Variants in NEGR1 observed in about 807,000 individuals in gnomAD.
NEGR1 encodes the protein neuronal growth regulator 1.
In NEGR1, 10 loss-of-function variants were observed where a neutral mutation model predicts 40.9. The ratio of observed to expected loss-of-function variants is 0.24; its 90% CI spans 0.15 to 0.42. NEGR1 has a LOEUF of 0.42. Among genes scored for constraint, NEGR1 ranks in the 10% least tolerant of loss-of-function variants. The pLI is 1.00. For missense variants in NEGR1, 352 were observed against 438.9 expected, an observed-to-expected ratio of 0.80 and a Z score of 1.77; for synonymous variants, 185 against 166.8, an observed-to-expected ratio of 1.11 and a Z score of -0.84.
intron 6 of NEGR1, chr1:71,463,188 T>C (rs1329699573): frequency 6.6e-6 from 1 of 152,156 alleles, no homozygotes; most frequent in Non-Finnish European, 1.5e-5. Flanking sequence ...ATATACATTT[T>C]ATGTAAAAGG....
At position 72,224,312 on chromosome 1, in the gene NEGR1, CT is replaced by C. The variant is rs529451368; in HGVS notation, c.176+58006del. 8.3e-4 allele frequency among the ~76,000 whole-genome samples: 116 copies of C among 140,258 alleles called. 2 individuals are homozygous for C. Among genetic ancestry groups the C allele is most frequent in the South Asian group, 3.8e-3 (17 of 4,478 alleles). 92.0% of individuals were successfully genotyped at this position (140,258 alleles called of 152,430 possible). ...TTAGGAAAGCTGTCAGATTCTTTGA[CT>C]TTTTTTTTTTTTCTAATGCATGACC... On this transcript the variant is annotated intron_variant, in intron 1 of 6. Coordinates refer to ENST00000357731, the MANE Select transcript of NEGR1 (RefSeq NM_173808.3).
chr1:72,122,348 C>G (rs1569999871), intron 1 of NEGR1, among the ~76,000 whole-genome samples: 1 of 151,874 alleles, frequency 6.6e-6, no homozygotes, highest in East Asian at 1.9e-4. Context: ...CCCCCAGGAC[C>G]CTATTTGTAA....
At chr1:72,254,644 G>C (rs1436952532) in intron 1 of NEGR1, among the ~76,000 whole-genome samples, 1 of 147,308 alleles carries the variant, frequency 6.8e-6, no homozygotes, top group Non-Finnish European at 1.5e-5. Context: ...GGAGCTTGAA[G>C]TGAGCTGAGA....
intron 2 of NEGR1, among the ~76,000 whole-genome samples, chr1:71,823,297 C>G (rs138719746): frequency 2.7e-4 from 41 of 151,228 alleles, no homozygotes; most frequent in African/African-American, 9.5e-4. Context: ...CAAATCTCCA[C>G]TCAATAAGGT....
chr1:71,479,257 T>C (rs1646839827), intron 6 of NEGR1, among the ~76,000 whole-genome samples: 1 of 151,958 alleles, frequency 6.6e-6, no homozygotes, highest in South Asian at 2.1e-4. Context: ...TTCATTGTGC[T>C]TTTTTGGCGG....
intron 1 of NEGR1, among the ~76,000 whole-genome samples, chr1:72,192,277 C>G (rs1207014392): frequency 2.0e-5 from 3 of 151,722 alleles, no homozygotes; most frequent in African/African-American, 4.8e-5. Context: ...ACTTGAGTTT[C>G]TTTAATTTTC....
At chr1:71,612,047 C>A (rs968700189) in intron 4 of NEGR1, among the ~76,000 whole-genome samples, 7 of 152,132 alleles carry the variant, frequency 4.6e-5, no homozygotes, top group Non-Finnish European at 1.0e-4. Flanking sequence ...ACAGTGAAAC[C>A]CCATCTCTAC....
chr1:71,790,644 A>C (rs1258557499), intron 2 of NEGR1, among the ~76,000 whole-genome samples: 1 of 152,094 alleles, frequency 6.6e-6, no homozygotes, highest in African/African-American at 2.4e-5. Context: ...CCTAAACAAG[A>C]AGTATCCTAA....
chr1:72,222,029 T>G (rs1654030083), intron 1 of NEGR1, among the ~76,000 whole-genome samples: 1 of 151,658 alleles, frequency 6.6e-6, no homozygotes, highest in Non-Finnish European at 1.5e-5. Flanking sequence ...ACCCTGACAC[T>G]GGGCTGGTAG....
At chr1:72,229,980 A>G (rs1383284264) in intron 1 of NEGR1, among the ~76,000 whole-genome samples, 2 of 152,124 alleles carry the variant, frequency 1.3e-5, no homozygotes, top group African/African-American at 4.8e-5. Context: ...ATTAGAATAT[A>G]TCATACAGAT....
rs1227952579 is a variant in NEGR1, at chr1:71,901,663, TA to T, written c.409+33415del. 2.0e-4 allele frequency among the ~76,000 whole-genome samples: 28 copies of T among 143,366 alleles called. No homozygotes were observed. In the East Asian group the frequency reaches 4.7e-3, roughly 24 times the overall value. 94.1% of individuals were successfully genotyped at this position (143,366 alleles called of 152,430 possible). A position where few individuals can be genotyped will look rare whatever the true frequency, so the allele number is the denominator to read the frequency against. ...ACACCATTTTTCTAAAAATGAGATA[TA>T]AATTTTTTTTTTTTTTTTTTTTTTG... On this transcript the variant is annotated intron_variant, in intron 2 of 6. Transcript: ENST00000357731.
At chr1:71,748,465 G>A (rs1392516676) in intron 3 of NEGR1, among the ~76,000 whole-genome samples, 14 of 152,018 alleles carry the variant, frequency 9.2e-5, no homozygotes, top group Admixed American at 9.2e-4. Flanking sequence ...ATTTTCTTAG[G>A]TTTTAAACAA....
At chr1:72,053,505 T>C (rs554895296) in intron 1 of NEGR1, among the ~76,000 whole-genome samples, 1 of 151,310 alleles carries the variant, frequency 6.6e-6, no homozygotes, top group Admixed American at 6.6e-5. Context: ...CTATATAGCA[T>C]AAAGATGCTT....
intron 6 of NEGR1, among the ~76,000 whole-genome samples, chr1:71,578,139 A>G (rs777178821): frequency 6.6e-5 from 10 of 152,156 alleles, no homozygotes; most frequent in African/African-American, 1.2e-4. Context: ...ACACATAAAC[A>G]TTTATATTAT....
At chr1:71,805,661 CA>C (rs1156263582) in intron 2 of NEGR1, among the ~76,000 whole-genome samples, 1 of 152,146 alleles carries the variant, frequency 6.6e-6, no homozygotes, top group African/African-American at 2.4e-5. Flanking sequence ...AAGCTCATTA[CA>C]GTTTGCAAAC....
chr1:71,480,421 T>A (rs527579345), intron 6 of NEGR1, among the ~76,000 whole-genome samples: 28 of 151,962 alleles, frequency 1.8e-4, no homozygotes, highest in African/African-American at 6.5e-4. Context: ...CTTTTCTCTA[T>A]CTCTCTTCCT....
chr1:71,849,937 T>C (rs1557676488), intron 2 of NEGR1, among the ~76,000 whole-genome samples: 1 of 152,200 alleles, frequency 6.6e-6, no homozygotes, highest in African/African-American at 2.4e-5. Flanking sequence ...GGGAAACCCA[T>C]AAAAATGTGA....
At chr1:71,733,994 A>G (rs1318141549) in intron 3 of NEGR1, among the ~76,000 whole-genome samples, 3 of 152,200 alleles carry the variant, frequency 2.0e-5, no homozygotes. Context: ...TACATACTTT[A>G]TTAATCATTT....
intron 3 of NEGR1, among the ~76,000 whole-genome samples, chr1:71,706,148 G>A (rs1217161026): frequency 5.3e-5 from 8 of 152,204 alleles, no homozygotes; most frequent in South Asian, 2.1e-4. Flanking sequence ...GCAGCTGTGC[G>A]GTGCACAGAG....
Sources: allele counts gnomAD v4.1 joint callset (sites outside exome capture counted in the v4.1 genomes callset), GRCh38; gene constraint gnomAD v4.1.1; transcripts MANE v1.5; gene names NCBI Gene and HGNC (gene_info 2026-07-23, HGNC 2026-07-21).